The following IQCE variants were observed in gnomAD, a reference collection of about 807,000 sequenced individuals.
The protein encoded by IQCE is IQ motif containing E, also known as IQ domain-containing protein E.
IQCE carries 115 observed loss-of-function variants against 96.0 expected under a neutral mutation model. The observed-to-expected ratio is 1.20, with a 90% CI of 1.03 to 1.40. The LOEUF is 1.40. IQCE is among the 40% of genes most tolerant of loss of function. The pLI, the probability that IQCE is intolerant of heterozygous loss-of-function variation, is 0.00. For missense variants in IQCE, 1,041 were observed against 909.1 expected (o/e 1.15, Z -1.87); for synonymous variants, 412 against 371.2 (o/e 1.11, Z -1.26).
intron 1 of IQCE, among the ~76,000 whole-genome samples, chr7:2,561,654 C>G (rs1398149512): frequency 6.6e-6 from 1 of 152,104 alleles, no homozygotes. Flanking sequence ...ATCTCCTGAC[C>G]TCGTGATGCA....
At chr7:2,576,495 G>A (rs1332443630) in intron 6 of IQCE, among the ~76,000 whole-genome samples, 2 of 151,654 alleles carry the variant, frequency 1.3e-5, no homozygotes, top group African/African-American at 2.4e-5. Context: ...ACTGCACCCT[G>A]CCCCTCCCAG....
At chr7:2,604,532 C>G (rs1387258829) in intron 18 of IQCE, among the ~76,000 whole-genome samples, 2 of 152,192 alleles carry the variant, frequency 1.3e-5, no homozygotes, top group African/African-American at 4.8e-5. Flanking sequence ...ATAAACTATT[C>G]CAACCTGAAA....
rs1370647685 is a variant in IQCE at position 2,598,632 on chromosome 7, G to A, written c.1608G>A (p.Lys536=). Residue 536 remains lysine (K), a splice_region_variant and synonymous_variant, in exon 17 of 22, where the codon AAG becomes AAA. Coordinates refer to ENST00000402050, the MANE Select transcript of IQCE (RefSeq NM_152558.5). Reference sequence around the variant, plus strand: ...CCCAGTGGAAGGTGTACAAGCACAAGGTGAGGCTCCCCGGGGCGACCCGGG... The same window carrying A: ...CCCAGTGGAAGGTGTACAAGCACAAAGTGAGGCTCCCCGGGGCGACCCGGG... ...LQAQWKVYKH[K]KKKAVLDEAA... 1 of 1,538,572 alleles carries A rather than the reference G, an allele frequency of 6.5e-7. No individual in the cohort carries two copies. Among genetic ancestry groups the A allele is most frequent in the African/African-American group, 1.4e-5 (1 of 71,906 alleles).
intron 2 of IQCE, among the ~76,000 whole-genome samples, chr7:2,568,039 A>C (rs946508788): frequency 1.3e-5 from 2 of 152,188 alleles, no homozygotes; most frequent in African/African-American, 4.8e-5. Flanking sequence ...TGCTCGGTCT[A>C]GTGCAAGGTG....
chr7:2,576,836 T>G (rs575204187), intron 6 of IQCE, among the ~76,000 whole-genome samples: 1 of 152,316 alleles, frequency 6.6e-6, no homozygotes, highest in South Asian at 2.1e-4. Flanking sequence ...ATGTTAGCCT[T>G]GGATGAGTTT....
chr7:2,594,805 C>T (rs1054035193), intron 15 of IQCE, 81 bp from the exon 16 acceptor site: 18 of 989,554 alleles, frequency 1.8e-5, no homozygotes, highest in African/African-American at 1.6e-4. Context: ...CCGCCTGGAC[C>T]GCCCGCCCCA....
rs376772649 is a variant in IQCE, at chr7:2,584,278, G to A, written c.817G>A (p.Gly273Arg). Residue 273 changes from glycine (G) to arginine (R), a missense_variant, in exon 11 of 22, where the codon GGA becomes AGA. Gly to Arg is a moderately radical substitution (Grantham distance 125, BLOSUM62 -2). Coordinates refer to ENST00000402050, the MANE Select transcript of IQCE (RefSeq NM_152558.5). ...CCTCTTGGCAAGTTCTGAAACCACC[G>A]GAAAGAAGTATGATGGCCGCTTGCA... ...QTLLASSETT[G>R]KKPLGEKKTG... 85 of 1,613,860 alleles carry A rather than the reference G, an allele frequency of 5.3e-5. No individual in the cohort carries two copies. The highest frequency in any genetic ancestry group is 1.6e-4 in the Middle Eastern group (1 of 6,084).
intron 12 of IQCE, among the ~76,000 whole-genome samples, chr7:2,586,982 T>G (rs1783173045): frequency 6.6e-6 from 1 of 152,000 alleles, no homozygotes; most frequent in African/African-American, 2.4e-5. Flanking sequence ...GAGATGGGGA[T>G]GGTGGCAGAC....
intron 3 of IQCE, among the ~76,000 whole-genome samples, chr7:2,569,216 G>T (rs1161188235): frequency 1.3e-5 from 2 of 152,070 alleles, no homozygotes; most frequent in East Asian, 3.9e-4. Context: ...GTCCCTGTTG[G>T]TGCCAGAGTG....
chr7:2,570,260 C>T (rs1382372814), intron 3 of IQCE, among the ~76,000 whole-genome samples: 2 of 152,142 alleles, frequency 1.3e-5, no homozygotes, highest in Admixed American at 6.6e-5. Context: ...CTCTCCACCA[C>T]CCTGTCTCCG....
At chr7:2,601,525 A>T in intron 18 of IQCE, 61 bp downstream of exon 18, 1 of 1,163,222 alleles carries the variant, frequency 8.6e-7, no homozygotes, top group Non-Finnish European at 1.3e-6. Flanking sequence ...AAAGTAGGTG[A>T]GGGGATATTT....
intron 15 of IQCE, among the ~76,000 whole-genome samples, chr7:2,594,089 G>T (rs574533144): frequency 6.6e-6 from 1 of 151,970 alleles, no homozygotes; most frequent in South Asian, 2.1e-4. Flanking sequence ...GTGAAACCCC[G>T]TCTCTACCAA....
chr7:2,568,795 C>T (rs577539458), intron 2 of IQCE, among the ~76,000 whole-genome samples, 159 bp from the exon 3 acceptor site: 25 of 152,292 alleles, frequency 1.6e-4, no homozygotes, highest in African/African-American at 5.5e-4. Flanking sequence ...CTGCATCGGG[C>T]CCTGCGTGTC....
chr7:2,582,614 T>A lies in IQCE; in HGVS notation c.665T>A (p.Leu222Gln). ...GGGCTGAAGCAGAGGATCCTGAAGC[T>A]GGAACAGCAGTGCAAGGAGAAGGAC... ...INGLKQRILK[L>Q]EQQCKEKDGT... Residue 222 changes from leucine (L) to glutamine (Q), a missense_variant, in exon 9 of 22, where the codon CTG (leucine) becomes CAG (glutamine). Coordinates refer to ENST00000402050, the MANE Select transcript of IQCE (RefSeq NM_152558.5). 6.2e-7 allele frequency: 1 copy of A among 1,614,034 alleles called. No individual in the cohort carries two copies. The highest frequency in any genetic ancestry group is 8.5e-7 in the Non-Finnish European group (1 of 1,179,980).
intron 13 of IQCE, among the ~76,000 whole-genome samples, chr7:2,588,654 GTTTTTTTTTTTTT>G (rs370704456): frequency 6.0e-5 from 3 of 49,750 alleles, no homozygotes; most frequent in Non-Finnish European, 1.1e-4. Flanking sequence ...TGCCTGGCTG[GTTTTTTTTTTTTT>G]TTTTTTTTTT....
chr7:2,610,064 C>T lies in IQCE; in HGVS notation c.1990C>T (p.Gln664Ter), dbSNP rs1785040821. 6.2e-7 allele frequency: 1 copy of T among 1,606,046 alleles called. No individual in the cohort carries two copies. The highest frequency in any genetic ancestry group is 8.5e-7 in the Non-Finnish European group (1 of 1,172,646). Reference sequence around the variant, plus strand: ...TGCAGACCCCTCTCCCTCAGGGCCACAGGCCTTGGCACCTCTACCTGGGGA... The same window carrying T: ...TGCAGACCCCTCTCCCTCAGGGCCATAGGCCTTGGCACCTCTACCTGGGGA... ...ALPDPSPSGP[Q>*]ALAPLPGDDV... Residue 664 changes from glutamine (Q) to a stop codon, truncating the protein, a stop_gained, in exon 22 of 22, where the codon CAG becomes TAG. Transcript: ENST00000402050. LOFTEE classifies it high-confidence loss of function.
At chr7:2,584,608 C>A (rs1782954931) in intron 11 of IQCE, 2 of 284,334 alleles carry the variant, frequency 7.0e-6, no homozygotes, top group East Asian at 7.2e-5. Flanking sequence ...GAAGACATTG[C>A]ACACAAGGAC....
Position 2,572,263 on chromosome 7 carries a change from CCTGA to C in IQCE, c.335_338del (p.Asp112ValfsTer2). 1.4e-5 allele frequency: 23 copies of C among 1,614,224 alleles called. No homozygotes were observed. Among genetic ancestry groups the C allele is most frequent in the Non-Finnish European group, 1.9e-5 (23 of 1,180,018 alleles). ...GTGGACTGGCGTCCCCGGCGGCACT[CCTGA>C]CTGTCTGACAGACACCTTCAGAGTG... On this transcript the variant is annotated frameshift_variant, in exon 5 of 22. Coordinates refer to ENST00000402050, the MANE Select transcript of IQCE (RefSeq NM_152558.5). LOFTEE classifies it high-confidence loss of function.
chr7:2,595,516 T>C (rs1041586273), intron 16 of IQCE, among the ~76,000 whole-genome samples: 36 of 152,144 alleles, frequency 2.4e-4, no homozygotes, highest in Admixed American at 7.8e-4. Flanking sequence ...GGACCCTAGA[T>C]GGATGCTCTC....
Sources: gnomAD v4.1 joint callset for allele counts (sites outside exome capture counted in the v4.1 genomes callset) on GRCh38, gnomAD v4.1.1 for gene constraint, MANE v1.5 for transcripts, NCBI Gene and HGNC (gene_info 2026-07-23, HGNC 2026-07-21) for gene names.